Variants in CACNB2 observed in about 807,000 individuals in gnomAD.
The protein encoded by CACNB2 is voltage-dependent L-type calcium channel subunit beta-2.
In CACNB2, 42 loss-of-function variants were observed where a neutral mutation model predicts 73.3. That is an observed-to-expected ratio of 0.57 (90% CI 0.45 to 0.74). CACNB2 has a LOEUF of 0.74. CACNB2 is among the 30% of genes least tolerant of loss of function. The probability of loss-of-function intolerance (pLI) is 0.00; values close to 1 mark genes in which losing one functional copy is unlikely to be tolerated. For synonymous variants in CACNB2, 348 were observed against 310.3 expected (o/e 1.12, Z -1.28); for missense variants, 940 against 853.0 (o/e 1.10, Z -1.27).
intron 3 of CACNB2, among the ~76,000 whole-genome samples, chr10:18,434,059 A>G (rs981317032): frequency 2.0e-5 from 3 of 152,136 alleles, no homozygotes; most frequent in African/African-American, 4.8e-5. Flanking sequence ...AGCATATGGC[A>G]TGTTTTATAC....
rs117570391 is a variant in CACNB2 at position 18,301,343 on chromosome 10, C to T, written c.214-100581C>T. On this transcript the variant is annotated intron_variant, in intron 2 of 13. Transcript: ENST00000324631. Reference sequence around the variant, plus strand: ...TTGATAAACAAGCTCCACAGTAATCCCAGCACTTTAGGAGGCTGAGGTGGG... The same window carrying T: ...TTGATAAACAAGCTCCACAGTAATCTCAGCACTTTAGGAGGCTGAGGTGGG... 2.1e-3 allele frequency among the ~76,000 whole-genome samples: 320 copies of T among 152,180 alleles called. 3 individuals are homozygous for T. The highest frequency in any genetic ancestry group is 0.012 in the East Asian group (61 of 5,162).
intron 7 of CACNB2, among the ~76,000 whole-genome samples, chr10:18,516,702 A>G (rs148031419): frequency 1.3e-5 from 2 of 152,242 alleles, no homozygotes; most frequent in South Asian, 2.1e-4. Flanking sequence ...GTAGAATTCA[A>G]AAACAAAACA....
At chr10:18,318,437 A>G (rs1431804977) in intron 2 of CACNB2, among the ~76,000 whole-genome samples, 1 of 152,236 alleles carries the variant, frequency 6.6e-6, no homozygotes, top group Admixed American at 6.5e-5. Context: ...GAAAACTGAA[A>G]CAGGATCCCT....
intron 2 of CACNB2, among the ~76,000 whole-genome samples, chr10:18,331,685 T>A (rs1207622460): frequency 6.6e-6 from 1 of 152,030 alleles, no homozygotes; most frequent in African/African-American, 2.4e-5. Flanking sequence ...TTGAACATCC[T>A]CTCATAACAG....
chr10:18,254,152 G>A (rs1280403694), intron 2 of CACNB2, among the ~76,000 whole-genome samples: 3 of 152,128 alleles, frequency 2.0e-5, no homozygotes, highest in Non-Finnish European at 4.4e-5. Flanking sequence ...GTTGCTGTGT[G>A]GATTATAGGA....
chr10:18,439,408 G>T (rs2132923411), intron 3 of CACNB2, among the ~76,000 whole-genome samples: 1 of 152,280 alleles, frequency 6.6e-6, no homozygotes, highest in South Asian at 2.1e-4. Flanking sequence ...CTGGTTTTAG[G>T]TAGATGAGGG....
intron 5 of CACNB2, among the ~76,000 whole-genome samples, chr10:18,503,596 CAAAA>C (rs1412598846): frequency 1.3e-5 from 2 of 151,666 alleles, no homozygotes; most frequent in Non-Finnish European, 2.9e-5. Context: ...AAAAAACAAA[CAAAA>C]AAAAGAACCA....
At chr10:18,236,239 C>G (rs190917792) in intron 2 of CACNB2, among the ~76,000 whole-genome samples, 3 of 152,148 alleles carry the variant, frequency 2.0e-5, no homozygotes, top group East Asian at 3.9e-4. Context: ...TGATGCCGTT[C>G]TGTCACTCTG....
intron 7 of CACNB2, among the ~76,000 whole-genome samples, chr10:18,515,364 A>G (rs756447263): frequency 6.6e-6 from 1 of 152,090 alleles, no homozygotes; most frequent in Admixed American, 6.6e-5. Flanking sequence ...TTCCACAGCT[A>G]CCATGCTGTC....
chr10:18,386,491 C>T (rs754469949), intron 2 of CACNB2, among the ~76,000 whole-genome samples: 9 of 150,976 alleles, frequency 6.0e-5, no homozygotes, highest in Non-Finnish European at 1.2e-4. Context: ...CAAGCTCCGC[C>T]TCCTGGGTTT....
At position 18,415,716 on chromosome 10, in the gene CACNB2, T is replaced by C. The variant is rs993316391; in HGVS notation, c.333+13673T>C. On this transcript the variant is annotated intron_variant, in intron 3 of 13. Transcript: ENST00000324631. ...CAACAACGCCTGCCATTTTAGATTA[T>C]TTTCATTTTAAATCTCAATTCGCAA... is the stretch of plus-strand genomic sequence containing the variant. Among the ~76,000 whole-genome samples, 3 of 152,186 alleles carry C rather than the reference T, an allele frequency of 2.0e-5. No individual in the cohort carries two copies. The South Asian group carries it at 6.2e-4, about 32-fold the overall frequency.
chr10:18,222,731 G>C (rs988140822), intron 2 of CACNB2, among the ~76,000 whole-genome samples: 25 of 152,148 alleles, frequency 1.6e-4, no homozygotes, highest in Non-Finnish European at 3.4e-4. Context: ...GAGTTCAGGA[G>C]TTCAAGACCA....
At chr10:18,377,870 A>G (rs1201733116) in intron 2 of CACNB2, among the ~76,000 whole-genome samples, 1 of 152,152 alleles carries the variant, frequency 6.6e-6, no homozygotes, top group East Asian at 1.9e-4. Context: ...ACAAACATTA[A>G]CCTTCGCTCC....
At chr10:18,436,849 A>G (rs1259514693) in intron 3 of CACNB2, among the ~76,000 whole-genome samples, 1 of 152,200 alleles carries the variant, frequency 6.6e-6, no homozygotes, top group Non-Finnish European at 1.5e-5. Flanking sequence ...TGAATATAAG[A>G]TGAGGCTTTT....
intron 2 of CACNB2, among the ~76,000 whole-genome samples, chr10:18,274,664 A>G (rs541189848): frequency 3.3e-5 from 5 of 152,284 alleles, no homozygotes; most frequent in Non-Finnish European, 4.4e-5. Context: ...TGGCTTTAAA[A>G]TGTATTATTT....
intron 3 of CACNB2, among the ~76,000 whole-genome samples, chr10:18,497,030 GT>G (rs2049874240): frequency 6.6e-6 from 1 of 150,890 alleles, no homozygotes; most frequent in South Asian, 2.1e-4. Flanking sequence ...GGCCAACACA[GT>G]GAAACCCTGT....
chr10:18,297,347 C>A (rs1315546213), intron 2 of CACNB2, among the ~76,000 whole-genome samples: 1 of 152,166 alleles, frequency 6.6e-6, no homozygotes, highest in East Asian at 1.9e-4. Flanking sequence ...AGTTTAAGAA[C>A]AGCCTGGGCA....
At chr10:18,323,128 AT>A (rs892535312) in intron 2 of CACNB2, among the ~76,000 whole-genome samples, 44 of 145,342 alleles carry the variant, frequency 3.0e-4, no homozygotes, top group Middle Eastern at 3.6e-3. Context: ...CACCCAGCTA[AT>A]TTTTTTTTTT....
At chr10:18,252,774 T>G (rs1156403875) in intron 2 of CACNB2, among the ~76,000 whole-genome samples, 4 of 152,212 alleles carry the variant, frequency 2.6e-5, no homozygotes, top group African/African-American at 9.7e-5. Flanking sequence ...TTTCAGACTT[T>G]GCAAGAAAGC....
Sources: allele counts gnomAD v4.1 joint callset (sites outside exome capture counted in the v4.1 genomes callset), GRCh38; gene constraint gnomAD v4.1.1; transcripts MANE v1.5; gene names NCBI Gene and HGNC (gene_info 2026-07-23, HGNC 2026-07-21).